The following GADL1 variants were observed in gnomAD, a reference collection of about 807,000 sequenced individuals.
GADL1 encodes GAD like acidic amino acid decarboxylase 1, also known as acidic amino acid decarboxylase GADL1.
GADL1 carries 71 observed loss-of-function variants against 69.5 expected under a neutral mutation model. The ratio of observed to expected loss-of-function variants is 1.02; its 90% CI spans 0.84 to 1.25. The LOEUF is 1.25. GADL1 is among the 50% of genes most tolerant of loss of function. The pLI, the probability that GADL1 is intolerant of heterozygous loss-of-function variation, is 0.00. For missense variants in GADL1, 737 were observed against 631.8 expected, an observed-to-expected ratio of 1.17 and a Z score of -1.79; for synonymous variants, 254 against 214.4, an observed-to-expected ratio of 1.18 and a Z score of -1.62.
intron 11 of GADL1, among the ~76,000 whole-genome samples, chr3:30,823,165 A>G (rs1204949227): frequency 6.6e-6 from 1 of 151,966 alleles, no homozygotes; most frequent in Non-Finnish European, 1.5e-5. Flanking sequence ...AATGAGGGAA[A>G]GGGAACTCAG....
rs2125536887 is a variant in GADL1, at chr3:30,861,599, A to G, written c.204T>C (p.Asn68=). Residue 68 remains asparagine, a synonymous_variant, in exon 2 of 15, where the codon AAT becomes AAC. Coordinates refer to ENST00000282538, the MANE Select transcript of GADL1 (RefSeq NM_207359.3). ...EEVVLKATDV[N]EKVCEWRPPE... is the part of the protein sequence containing the mutation. ...TACAGGTTTTAATTTTTACCTTCTC[A>G]TTGACATCTGTAGCTTTCAAAACCA... 2 of 1,542,902 alleles carry G rather than the reference A, an allele frequency of 1.3e-6. No individual in the cohort carries two copies. The highest frequency in any genetic ancestry group is 2.5e-5 in the East Asian group (1 of 40,802).
chr3:30,855,971 GT>G lies in GADL1; in HGVS notation c.337+1043del, dbSNP rs577492485. 5.5e-4 allele frequency among the ~76,000 whole-genome samples: 80 copies of G among 146,682 alleles called. No individual in the cohort carries two copies. The South Asian group carries it at 0.013, about 23-fold the overall frequency. On this transcript the variant is annotated intron_variant, in intron 3 of 14. Transcript: ENST00000282538. ...GCATTGCTACAAGTAATTTTAATAA[GT>G]TTTTTTTAGTTCTGTGTTAATTTAT...
chr3:30,814,895 C>T (rs192388141), intron 11 of GADL1, among the ~76,000 whole-genome samples: 42 of 151,424 alleles, frequency 2.8e-4, no homozygotes, highest in Admixed American at 2.5e-3. Flanking sequence ...ACCTGGGAGG[C>T]GGAGATTTCA....
At chr3:30,769,913 G>GTA (rs1553637562) in intron 14 of GADL1, among the ~76,000 whole-genome samples, 3 of 46,840 alleles carry the variant, frequency 6.4e-5, no homozygotes, top group Non-Finnish European at 1.1e-4. Flanking sequence ...TGACACACAG[G>GTA]TAATCAAGGA....
intron 14 of GADL1, among the ~76,000 whole-genome samples, chr3:30,732,472 T>C (rs1336524423): frequency 6.6e-6 from 1 of 152,198 alleles, no homozygotes; most frequent in South Asian, 2.1e-4. Flanking sequence ...AATTTGTCTC[T>C]CCCTACCCCT....
At chr3:30,742,675 T>G (rs1301517351) in intron 14 of GADL1, among the ~76,000 whole-genome samples, 1 of 152,130 alleles carries the variant, frequency 6.6e-6, no homozygotes, top group Non-Finnish European at 1.5e-5. Context: ...CAGACGTTCC[T>G]AATTTGTTAC....
chr3:30,771,827 G>A (rs896944710), intron 14 of GADL1, among the ~76,000 whole-genome samples: 1 of 152,198 alleles, frequency 6.6e-6, no homozygotes, highest in African/African-American at 2.4e-5. Flanking sequence ...GTGCATGTGT[G>A]TATGCATATC....
At chr3:30,741,112 GTATATATATA>G (rs67611024) in intron 14 of GADL1, among the ~76,000 whole-genome samples, 1 of 113,930 alleles carries the variant, frequency 8.8e-6, no homozygotes, top group Non-Finnish European at 1.6e-5. Flanking sequence ...TGTATTCCTA[GTATATATATA>G]TATATATATA....
intron 6 of GADL1, among the ~76,000 whole-genome samples, chr3:30,849,536 CTGTGTG>C (rs71914328): frequency 3.4e-5 from 5 of 148,826 alleles, no homozygotes; most frequent in Admixed American, 6.7e-5. Context: ...GTGGCAATAT[CTGTGTG>C]TGTGTGTGTG....
rs183998732 is a variant in GADL1 at position 30,800,252 on chromosome 3, G to A, written c.1250+637C>T. On this transcript the variant is annotated intron_variant, in intron 12 of 14. Coordinates refer to ENST00000282538, the MANE Select transcript of GADL1 (RefSeq NM_207359.3). ...GAGGCCTCAATTCATGGCGGAAGCCGAAAGGCACTTCTTGCATGGCAGCAG... is the reference window on the plus strand; with the variant it reads ...GAGGCCTCAATTCATGGCGGAAGCCAAAAGGCACTTCTTGCATGGCAGCAG... The A allele has an allele frequency of 7.1e-4, 109 of 153,338 alleles. No individual in the cohort carries two copies. The East Asian group carries it at 0.015, about 22-fold the overall frequency. 9.5% of individuals were successfully genotyped at this position (153,338 alleles called of 1,614,324 possible).
At chr3:30,737,334 C>T (rs968271217) in intron 14 of GADL1, among the ~76,000 whole-genome samples, 2 of 152,094 alleles carry the variant, frequency 1.3e-5, no homozygotes, top group Non-Finnish European at 2.9e-5. Flanking sequence ...TTTCCTCTCG[C>T]ATTGCTTATG....
chr3:30,744,704 A>G lies in GADL1; in HGVS notation c.1393-16289T>C, dbSNP rs536539922. ...ACTCCAGCCTGGGCAATAGAGTGGC[A>G]CACTGTCTCCAAAAAGAAAAGAAAA... On this transcript the variant is annotated intron_variant, in intron 14 of 14. Transcript: ENST00000282538. 1.7e-3 allele frequency among the ~76,000 whole-genome samples: 255 copies of G among 152,316 alleles called. 1 individual carries two copies. The highest frequency in any genetic ancestry group is 2.1e-3 in the Admixed American group (32 of 15,304).
intron 11 of GADL1, among the ~76,000 whole-genome samples, chr3:30,805,836 A>G (rs1420402833): frequency 6.8e-6 from 1 of 146,390 alleles, no homozygotes; most frequent in African/African-American, 2.6e-5. Context: ...TGGTTTCAGG[A>G]AGAAACAGTT....
intron 8 of GADL1, among the ~76,000 whole-genome samples, chr3:30,843,984 A>G (rs1698011807): frequency 6.6e-6 from 1 of 152,218 alleles, no homozygotes; most frequent in African/African-American, 2.4e-5. Context: ...GGGAACAAGA[A>G]TATCCGGGAA....
At chr3:30,873,168 T>C (rs1336469544) in intron 1 of GADL1, among the ~76,000 whole-genome samples, 3 of 151,966 alleles carry the variant, frequency 2.0e-5, no homozygotes, top group African/African-American at 7.2e-5. Flanking sequence ...CTAGTTGTAG[T>C]GTGGCATAAA....
chr3:30,842,821 T>TAAAAAAAAAAAAAAAAAAAAAAAA (rs1559358436), intron 8 of GADL1, among the ~76,000 whole-genome samples: 1 of 66,468 alleles, frequency 1.5e-5, no homozygotes. Flanking sequence ...ATTGGAATGT[T>TAAAAAAAAAAAAAAAAAAAAAAAA]TAAAAAAAAA....
chr3:30,863,992 G>A (rs1698359505), intron 1 of GADL1, among the ~76,000 whole-genome samples: 1 of 152,014 alleles, frequency 6.6e-6, no homozygotes, highest in African/African-American at 2.4e-5. Context: ...TGAAAAAGAA[G>A]CCATTTAGAG....
chr3:30,869,651 G>A (rs1041139159), intron 1 of GADL1, among the ~76,000 whole-genome samples: 5 of 151,076 alleles, frequency 3.3e-5, no homozygotes, highest in African/African-American at 1.2e-4. Flanking sequence ...TTTGAAAAGA[G>A]CAAGACGAGA....
At chr3:30,888,236 T>C (rs554505478) in intron 1 of GADL1, among the ~76,000 whole-genome samples, 87 of 152,270 alleles carry the variant, frequency 5.7e-4, no homozygotes, top group African/African-American at 2.0e-3. Flanking sequence ...TGGTTACTTA[T>C]AGGGGAGAAA....
Sources: gnomAD v4.1 joint callset for allele counts (sites outside exome capture counted in the v4.1 genomes callset) on GRCh38, gnomAD v4.1.1 for gene constraint, MANE v1.5 for transcripts, NCBI Gene and HGNC (gene_info 2026-07-23, HGNC 2026-07-21) for gene names.